Variants in CFAP20DC observed in about 807,000 individuals in gnomAD.
The protein encoded by CFAP20DC is protein CFAP20DC.
In CFAP20DC, 84 loss-of-function variants were observed where a neutral mutation model predicts 101.7. The observed-to-expected ratio is 0.83, with a 90% CI of 0.69 to 0.99. The LOEUF (loss-of-function observed/expected upper bound fraction) is 0.99. CFAP20DC is among the 50% of genes least tolerant of loss of function. The probability of loss-of-function intolerance (pLI) is 0.00; values close to 1 mark genes in which losing one functional copy is unlikely to be tolerated. For missense variants in CFAP20DC, 1,007 were observed against 970.3 expected, an observed-to-expected ratio of 1.04 and a Z score of -0.50; for synonymous variants, 359 against 351.2, an observed-to-expected ratio of 1.02 and a Z score of -0.25.
chr3:58,962,764 A>G (rs1217828048), intron 4 of CFAP20DC, among the ~76,000 whole-genome samples: 1 of 152,166 alleles, frequency 6.6e-6, no homozygotes, highest in Admixed American at 6.5e-5. Context: ...GTAACTGCAC[A>G]AGGCCTGTCA....
intron 15 of CFAP20DC, among the ~76,000 whole-genome samples, chr3:58,803,376 T>C (rs2073844437): frequency 6.6e-6 from 1 of 152,206 alleles, no homozygotes; most frequent in Non-Finnish European, 1.5e-5. Context: ...TCCAACAGGG[T>C]GGACTTCAGA....
chr3:58,794,894 AT>A (rs2073124459), intron 15 of CFAP20DC, among the ~76,000 whole-genome samples: 2 of 152,178 alleles, frequency 1.3e-5, no homozygotes, highest in Admixed American at 6.5e-5. Flanking sequence ...TCTGTGAATC[AT>A]TTTATGCTGT....
At chr3:59,041,426 CA>C (rs916135624) in intron 3 of CFAP20DC, among the ~76,000 whole-genome samples, 5 of 150,536 alleles carry the variant, frequency 3.3e-5, no homozygotes, top group African/African-American at 4.9e-5. Flanking sequence ...GATGATCTGA[CA>C]AAAAAAAAGT....
intron 15 of CFAP20DC, among the ~76,000 whole-genome samples, chr3:58,761,073 T>C (rs1157926199): frequency 6.6e-6 from 1 of 152,242 alleles, no homozygotes; most frequent in Non-Finnish European, 1.5e-5. Context: ...GAGGATTCCC[T>C]CTTTTTCTAT....
At chr3:58,828,795 T>C (rs1279217138) in intron 14 of CFAP20DC, among the ~76,000 whole-genome samples, 1 of 149,634 alleles carries the variant, frequency 6.7e-6, no homozygotes, top group Admixed American at 6.7e-5. Flanking sequence ...CTCCTCAATC[T>C]AAAATAAATA....
chr3:59,033,251 G>A (rs1490588627), intron 4 of CFAP20DC, among the ~76,000 whole-genome samples: 3 of 152,102 alleles, frequency 2.0e-5, no homozygotes, highest in Non-Finnish European at 2.9e-5. Context: ...AAAAACCAGC[G>A]CAAAAGGCTG....
chr3:58,857,637 GC>G (rs2078941854), intron 12 of CFAP20DC, among the ~76,000 whole-genome samples: 1 of 152,140 alleles, frequency 6.6e-6, no homozygotes, highest in Admixed American at 6.5e-5. Context: ...TGCCTTGGCT[GC>G]CCTAGAACTG....
At chr3:58,833,189 A>G (rs917956723) in intron 13 of CFAP20DC, among the ~76,000 whole-genome samples, 3 of 152,166 alleles carry the variant, frequency 2.0e-5, no homozygotes, top group Non-Finnish European at 4.4e-5. Flanking sequence ...AAAGCTTGTT[A>G]TCTGATAATG....
At chr3:58,961,773 G>A (rs903432477) in intron 4 of CFAP20DC, among the ~76,000 whole-genome samples, 42 of 151,548 alleles carry the variant, frequency 2.8e-4, no homozygotes, top group African/African-American at 9.9e-4. Context: ...ACCTTTCAAG[G>A]AATTTTTCCA....
At chr3:58,815,090 C>G (rs1408441258) in intron 14 of CFAP20DC, among the ~76,000 whole-genome samples, 1 of 151,274 alleles carries the variant, frequency 6.6e-6, no homozygotes, top group Non-Finnish European at 1.5e-5. Flanking sequence ...AGGCATCACA[C>G]TACCTGACTT....
At chr3:58,752,450 G>C (rs1012763467) in intron 16 of CFAP20DC, among the ~76,000 whole-genome samples, 3 of 152,104 alleles carry the variant, frequency 2.0e-5, no homozygotes, top group Non-Finnish European at 4.4e-5. Context: ...AGCTCCTGCT[G>C]TCAGAACCGG....
At chr3:58,866,743 T>C (rs2079726727) in intron 10 of CFAP20DC, 55 bp from the exon 11 acceptor site, 2 of 1,208,586 alleles carry the variant, frequency 1.7e-6, no homozygotes, top group African/African-American at 1.5e-5. Context: ...TTATAAAAAG[T>C]AATTTTAGAA....
intron 14 of CFAP20DC, among the ~76,000 whole-genome samples, chr3:58,808,763 G>A (rs1227708405): frequency 6.6e-6 from 1 of 152,140 alleles, no homozygotes; most frequent in Non-Finnish European, 1.5e-5. Context: ...AAAAGACACA[G>A]ACTGGCAAAT....
intron 15 of CFAP20DC, among the ~76,000 whole-genome samples, chr3:58,798,828 G>A (rs2073449798): frequency 6.6e-6 from 1 of 152,142 alleles, no homozygotes; most frequent in African/African-American, 2.4e-5. Flanking sequence ...CCAGCAAAAA[G>A]ATTATGACTT....
chr3:58,822,365 C>G lies in CFAP20DC; in HGVS notation c.2175+9321G>C, dbSNP rs541605224. ...AAAAACCAAACACCGCATATTCTCA[C>G]TCATAGGTGGGAACTGAACAATGAG... On this transcript the variant is annotated intron_variant, in intron 14 of 16. Transcript: ENST00000482387. 2.0e-3 allele frequency among the ~76,000 whole-genome samples: 292 copies of G among 147,202 alleles called. 4 individuals are homozygous for G. Among genetic ancestry groups the G allele is most frequent in the African/African-American group, 7.2e-3 (283 of 39,084 alleles).
intron 14 of CFAP20DC, among the ~76,000 whole-genome samples, chr3:58,816,803 C>G (rs1292289669): frequency 6.6e-6 from 1 of 152,154 alleles, no homozygotes. Context: ...TCAAGGAGGC[C>G]TGCCTGCCTC....
intron 12 of CFAP20DC, among the ~76,000 whole-genome samples, chr3:58,855,423 G>C (rs1007506588): frequency 6.6e-6 from 1 of 152,142 alleles, no homozygotes; most frequent in Non-Finnish European, 1.5e-5. Flanking sequence ...GTGGAAGTCA[G>C]TGTGGCGATT....
At chr3:58,773,793 A>T (rs1422735849) in intron 15 of CFAP20DC, among the ~76,000 whole-genome samples, 1 of 152,240 alleles carries the variant, frequency 6.6e-6, no homozygotes, top group African/African-American at 2.4e-5. Flanking sequence ...TCCTGGGCTG[A>T]TATCTGCAAT....
rs188641817 is a variant in CFAP20DC, at chr3:58,805,632, G to C, written c.2237+763C>G. On this transcript the variant is annotated intron_variant, in intron 15 of 16. Coordinates refer to ENST00000482387, the MANE Select transcript of CFAP20DC (RefSeq NM_001394063.1). ...CATCACAGTAACTAAGACTTTGTAG[G>C]TAGGCTCACGATATATGGACTTTTC... Among the ~76,000 whole-genome samples, 21 of 152,304 alleles carry C rather than the reference G, an allele frequency of 1.4e-4. No homozygotes were observed. In the East Asian group the frequency reaches 2.5e-3, roughly 18 times the overall value.
Sources: gnomAD v4.1 joint callset for allele counts (sites outside exome capture counted in the v4.1 genomes callset) on GRCh38, gnomAD v4.1.1 for gene constraint, MANE v1.5 for transcripts, NCBI Gene and HGNC (gene_info 2026-07-23, HGNC 2026-07-21) for gene names.